Variants in PTPRM observed in about 807,000 individuals in gnomAD.
PTPRM encodes the protein receptor-type tyrosine-protein phosphatase mu.
In PTPRM, 47 loss-of-function variants were observed where a neutral mutation model predicts 186.7. That is an observed-to-expected ratio of 0.25 (90% CI 0.20 to 0.32). The LOEUF (loss-of-function observed/expected upper bound fraction) is 0.32. PTPRM is among the 10% of genes least tolerant of loss of function. The pLI, the probability that PTPRM is intolerant of heterozygous loss-of-function variation, is 1.00. For missense variants in PTPRM, 1,494 were observed against 1,865.0 expected, an observed-to-expected ratio of 0.80 and a Z score of 3.66; for synonymous variants, 668 against 674.9, an observed-to-expected ratio of 0.99 and a Z score of 0.16.
At chr18:8,131,608 TA>T (rs1319073880) in intron 13 of PTPRM, among the ~76,000 whole-genome samples, 2 of 152,240 alleles carry the variant, frequency 1.3e-5, no homozygotes, top group Non-Finnish European at 2.9e-5. Flanking sequence ...TCTTTGTGTT[TA>T]TATTTCAACA....
At chr18:7,717,541 G>A (rs1435849231) in intron 1 of PTPRM, among the ~76,000 whole-genome samples, 2 of 152,152 alleles carry the variant, frequency 1.3e-5, no homozygotes, top group African/African-American at 4.8e-5. Flanking sequence ...AAAAGCTCGG[G>A]ATCCATTAGT....
At chr18:7,739,759 C>T (rs774206334) in intron 1 of PTPRM, among the ~76,000 whole-genome samples, 38 of 152,212 alleles carry the variant, frequency 2.5e-4, no homozygotes, top group Non-Finnish European at 4.7e-4. Context: ...GCGGCTCTTG[C>T]TGCTTAGAAA....
intron 3 of PTPRM, among the ~76,000 whole-genome samples, chr18:7,892,775 G>A (rs1397794207): frequency 6.6e-6 from 1 of 152,170 alleles, no homozygotes; most frequent in Non-Finnish European, 1.5e-5. Context: ...TCCGATTCTG[G>A]TGAAAGTTCT....
chr18:8,069,344 A>G (rs1203820061), intron 7 of PTPRM, among the ~76,000 whole-genome samples: 1 of 152,140 alleles, frequency 6.6e-6, no homozygotes, highest in Non-Finnish European at 1.5e-5. Flanking sequence ...CTGAGCTCCA[A>G]ACATCATATC....
chr18:8,075,916 A>G (rs2089782828), intron 8 of PTPRM, among the ~76,000 whole-genome samples: 1 of 152,168 alleles, frequency 6.6e-6, no homozygotes, highest in East Asian at 1.9e-4. Flanking sequence ...ATTTTATAAC[A>G]TAACTTACTA....
intron 2 of PTPRM, among the ~76,000 whole-genome samples, chr18:7,838,317 T>C (rs2046155382): frequency 1.3e-5 from 2 of 152,142 alleles, no homozygotes; most frequent in Admixed American, 1.3e-4. Flanking sequence ...ACTGTCCTGT[T>C]TTAATTACCT....
chr18:8,083,200 T>G (rs2090239684), intron 9 of PTPRM, among the ~76,000 whole-genome samples: 1 of 152,112 alleles, frequency 6.6e-6, no homozygotes, highest in African/African-American at 2.4e-5. Flanking sequence ...GTGAACTCTT[T>G]ATAAGGGAAA....
intron 1 of PTPRM, among the ~76,000 whole-genome samples, chr18:7,723,980 A>G (rs181593483): frequency 6.6e-6 from 1 of 152,194 alleles, no homozygotes; most frequent in Admixed American, 6.5e-5. Flanking sequence ...CCCTGCTCCC[A>G]ACACCCTCTA....
intron 1 of PTPRM, among the ~76,000 whole-genome samples, chr18:7,700,163 A>AT (rs1243995124): frequency 6.6e-6 from 1 of 152,234 alleles, no homozygotes; most frequent in African/African-American, 2.4e-5. Context: ...AAAATAATAG[A>AT]TAAAATATTT....
In PTPRM at chr18:8,218,185, G is replaced by A. The variant is rs986330822; in HGVS notation, c.2301-25873G>A. On this transcript the variant is annotated intron_variant, in intron 14 of 32. Transcript: ENST00000580170. The stretch of plus-strand genomic sequence containing the variant: ...TGATTTTAATGTTTGCTATAATGGA[G>A]AATTTAAATTACAATGTTTGTCAAA... Among the ~76,000 whole-genome samples the A allele has an allele frequency of 2.0e-5, 3 of 152,128 alleles. No homozygotes were observed. In the East Asian group the frequency reaches 5.8e-4, roughly 29 times the overall value.
intron 20 of PTPRM, among the ~76,000 whole-genome samples, chr18:8,307,393 C>T (rs1568713403): frequency 6.6e-6 from 1 of 152,210 alleles, no homozygotes. Flanking sequence ...ACGCTCACTG[C>T]TAACACAGGT....
intron 14 of PTPRM, among the ~76,000 whole-genome samples, chr18:8,168,771 A>G (rs2093357658): frequency 6.6e-6 from 1 of 152,198 alleles, no homozygotes; most frequent in Admixed American, 6.5e-5. Context: ...TTCTTACTAT[A>G]AATTGTATGG....
intron 7 of PTPRM, among the ~76,000 whole-genome samples, chr18:8,012,477 G>A (rs12956205): frequency 1.3e-5 from 2 of 152,172 alleles, no homozygotes; most frequent in African/African-American, 4.8e-5. Context: ...GTTGCTAGGC[G>A]ATTTCATCAT....
intron 23 of PTPRM, among the ~76,000 whole-genome samples, chr18:8,370,203 A>T (rs988827255): frequency 1.3e-5 from 2 of 152,078 alleles, no homozygotes; most frequent in African/African-American, 2.4e-5. Context: ...AAAAAAAAAA[A>T]AAATACAATT....
intron 1 of PTPRM, among the ~76,000 whole-genome samples, chr18:7,583,712 TTTCTC>T (rs2036905172): frequency 6.6e-6 from 1 of 152,232 alleles, no homozygotes; most frequent in Non-Finnish European, 1.5e-5. Flanking sequence ...AATGTTGTCT[TTTCTC>T]TGGTTACAAA....
intron 2 of PTPRM, among the ~76,000 whole-genome samples, chr18:7,884,860 G>A (rs951248836): frequency 7.4e-6 from 1 of 134,354 alleles, no homozygotes; most frequent in Admixed American, 8.2e-5. Context: ...GGAGGCAGAG[G>A]TTGCAGTGAG....
At chr18:7,654,270 C>T (rs2038795322) in intron 1 of PTPRM, among the ~76,000 whole-genome samples, 1 of 152,080 alleles carries the variant, frequency 6.6e-6, no homozygotes, top group African/African-American at 2.4e-5. Context: ...GGTAGGTTGT[C>T]TGTTCATTCT....
chr18:8,260,303 C>T (rs1045215976), intron 19 of PTPRM, among the ~76,000 whole-genome samples: 2 of 152,130 alleles, frequency 1.3e-5, no homozygotes, highest in African/African-American at 2.4e-5. Flanking sequence ...GCTGGGACTA[C>T]AGGCACGCAC....
intron 5 of PTPRM, chr18:7,946,965 C>G (rs9962439): frequency 0.064 from 29,161 of 455,890 alleles, 3,199 homozygotes; most frequent in African/African-American, 0.34. Flanking sequence ...TGGGAACCCT[C>G]TCCCTCCATC....
Sources: allele counts gnomAD v4.1 joint callset (sites outside exome capture counted in the v4.1 genomes callset), GRCh38; gene constraint gnomAD v4.1.1; transcripts MANE v1.5; gene names NCBI Gene and HGNC (gene_info 2026-07-23, HGNC 2026-07-21).